The following PAM variants were observed in gnomAD, a reference collection of about 807,000 sequenced individuals.
The protein encoded by PAM is peptidyl-glycine alpha-amidating monooxygenase.
PAM carries 72 observed loss-of-function variants against 122.1 expected under a neutral mutation model. The ratio of observed to expected loss-of-function variants is 0.59; its 90% CI spans 0.49 to 0.72. PAM has a LOEUF of 0.72. Among genes scored for constraint, PAM ranks in the 30% least tolerant of loss-of-function variants. The pLI is 0.00. For synonymous variants in PAM, 389 were observed against 404.4 expected (o/e 0.96, Z 0.46); for missense variants, 1,106 against 1,183.7 (o/e 0.93, Z 0.96).
intron 1 of PAM, among the ~76,000 whole-genome samples, chr5:102,832,349 T>C (rs1354505301): frequency 1.3e-5 from 2 of 152,130 alleles, no homozygotes; most frequent in Non-Finnish European, 2.9e-5. Context: ...TCCCAGTTAA[T>C]ATCCCCATTT....
chr5:102,999,944 G>A (rs1776886413), intron 16 of PAM, among the ~76,000 whole-genome samples: 1 of 152,218 alleles, frequency 6.6e-6, no homozygotes, highest in Admixed American at 6.5e-5. Flanking sequence ...GTTTTGACAA[G>A]TAACTTTTGG....
chr5:102,989,854 G>A (rs1456779794), intron 15 of PAM: 1 of 147,954 alleles, frequency 6.8e-6, no homozygotes, highest in Non-Finnish European at 1.5e-5. Context: ...AAAGGACAGA[G>A]GAACACAGAG....
chr5:102,943,932 C>T (rs577350467), intron 7 of PAM, among the ~76,000 whole-genome samples: 5 of 152,260 alleles, frequency 3.3e-5, no homozygotes, highest in African/African-American at 1.2e-4. Flanking sequence ...CAAGTCTCAT[C>T]CAGTATCTGG....
At chr5:103,017,530 T>G in intron 22 of PAM, 97 bp downstream of exon 22, 1 of 783,122 alleles carries the variant, frequency 1.3e-6, no homozygotes, top group Non-Finnish European at 2.2e-6. Context: ...ATCTTTTTAC[T>G]GATGAGAGTA....
intron 1 of PAM, among the ~76,000 whole-genome samples, chr5:102,822,231 T>A (rs1772204373): frequency 6.6e-6 from 1 of 152,228 alleles, no homozygotes; most frequent in Non-Finnish European, 1.5e-5. Context: ...CTTTACACAT[T>A]TTTATTTGAC....
chr5:103,019,657 T>C (rs1783003335), intron 22 of PAM, 133 bp from the exon 23 acceptor site: 1 of 666,358 alleles, frequency 1.5e-6, no homozygotes. Context: ...TATTGAACTC[T>C]TTCCTAATAT....
intron 1 of PAM, among the ~76,000 whole-genome samples, chr5:102,803,558 T>A (rs1024049332): frequency 2.6e-5 from 4 of 152,138 alleles, no homozygotes; most frequent in Non-Finnish European, 5.9e-5. Context: ...GATTGGGGCA[T>A]CAGGGACTCT....
At chr5:102,866,417 ACTT>A in intron 2 of PAM, 133 bp downstream of exon 2, 4 of 663,760 alleles carry the variant, frequency 6.0e-6, no homozygotes, top group Non-Finnish European at 1.1e-5. Flanking sequence ...TACCACAGTA[ACTT>A]CTTGTGAAGT....
chr5:102,809,352 CAA>C (rs11302898), intron 1 of PAM, among the ~76,000 whole-genome samples: 133 of 126,166 alleles, frequency 1.1e-3, no homozygotes, highest in Admixed American at 1.0e-3. Context: ...CTGTCTCTAC[CAA>C]AAAAAAAAAA....
chr5:102,934,764 A>T (rs1752722662), intron 7 of PAM, among the ~76,000 whole-genome samples: 2 of 152,212 alleles, frequency 1.3e-5, no homozygotes. Context: ...ATGTTTCTAT[A>T]ACAAATGTTT....
At chr5:102,813,216 G>A (rs1188967435) in intron 1 of PAM, among the ~76,000 whole-genome samples, 1 of 152,114 alleles carries the variant, frequency 6.6e-6, no homozygotes, top group Non-Finnish European at 1.5e-5. Context: ...ACCTTTGAGA[G>A]AAATCAGAGA....
At chr5:102,908,821 T>G (rs1175857632) in intron 4 of PAM, among the ~76,000 whole-genome samples, 1 of 151,642 alleles carries the variant, frequency 6.6e-6, no homozygotes, top group Non-Finnish European at 1.5e-5. Context: ...GCTTCATGGT[T>G]ATGGGGAAAG....
At chr5:102,967,592 G>A (rs1245126215) in intron 14 of PAM, among the ~76,000 whole-genome samples, 2 of 151,926 alleles carry the variant, frequency 1.3e-5, no homozygotes, top group East Asian at 3.9e-4. Context: ...TAAAACTATA[G>A]TTCTATCTTG....
chr5:102,969,835 G>A (rs1463637674), intron 14 of PAM, among the ~76,000 whole-genome samples: 1 of 152,150 alleles, frequency 6.6e-6, no homozygotes, highest in Non-Finnish European at 1.5e-5. Flanking sequence ...TGTGCCTGGA[G>A]GTGGTAGCTT....
chr5:102,818,439 A>G (rs1381771440), intron 1 of PAM, among the ~76,000 whole-genome samples: 1 of 152,138 alleles, frequency 6.6e-6, no homozygotes, highest in Non-Finnish European at 1.5e-5. Flanking sequence ...CATACCAGTT[A>G]TGTAACTGTC....
rs113117984 is a variant in PAM at position 102,925,296 on chromosome 5, A to C, written c.442+254A>C. On this transcript the variant is annotated intron_variant, in intron 6 of 25. Coordinates refer to ENST00000438793, the MANE Select transcript of PAM (RefSeq NM_001177306.2). Reference sequence around the variant, plus strand: ...ATTAGAAAATAACCAAGGATACCTCAAGCCACCTTTGACCTAAGGCACATT... The same window carrying C: ...ATTAGAAAATAACCAAGGATACCTCCAGCCACCTTTGACCTAAGGCACATT... Among the ~76,000 whole-genome samples the C allele has an allele frequency of 5.1e-3, 774 of 152,346 alleles. 7 individuals carry two copies. The highest frequency in any genetic ancestry group is 0.018 in the African/African-American group (741 of 41,568).
chr5:102,974,394 C>T lies in PAM; in HGVS notation c.1441C>T (p.Pro481Ser), dbSNP rs1766920578. 4.3e-6 allele frequency: 7 copies of T among 1,613,574 alleles called. No individual in the cohort carries two copies. The highest frequency in any genetic ancestry group is 5.9e-6 in the Non-Finnish European group (7 of 1,179,746). Residue 481 changes from proline to serine, a missense_variant, in exon 15 of 26, where the codon CCC (proline) becomes TCC (serine). Pro to Ser is a moderately conservative substitution (Grantham distance 74, BLOSUM62 -1). This residue lies in a region of PAM where 670 missense variants were observed against 690.3 expected (regional missense o/e 0.97). Coordinates refer to ENST00000438793, the MANE Select transcript of PAM (RefSeq NM_001177306.2). The stretch of plus-strand genomic sequence containing the variant: ...GAGCAGAGTTTTCTCATTACAGCAG[C>T]CCCCACCTGGTGAAGGCACCTGGGA... ...PESRVFSLQQ[P>S]PPGEGTWEPE... is the part of the protein sequence containing the mutation.
intron 15 of PAM, among the ~76,000 whole-genome samples, chr5:102,978,815 G>A (rs1020002643): frequency 2.7e-5 from 4 of 150,474 alleles, no homozygotes; most frequent in Non-Finnish European, 5.9e-5. Context: ...TTTGATCTCT[G>A]AGGGGAGGAG....
rs564912585 is a variant in PAM at position 102,870,696 on chromosome 5, A to G, written c.210+3303A>G. On this transcript the variant is annotated intron_variant, in intron 3 of 25. Coordinates refer to ENST00000438793, the MANE Select transcript of PAM (RefSeq NM_001177306.2). ...TAATCAGTGTTTAATCTCTGTTAATAGGTGTTTTTCCAGCCTTTGGGAAGA... is the reference window on the plus strand; with the variant it reads ...TAATCAGTGTTTAATCTCTGTTAATGGGTGTTTTTCCAGCCTTTGGGAAGA... 2.0e-5 allele frequency among the ~76,000 whole-genome samples: 3 copies of G among 152,328 alleles called. No individual in the cohort carries two copies. In the East Asian group the frequency reaches 5.8e-4, roughly 29 times the overall value.
Sources: gnomAD v4.1 joint callset for allele counts (sites outside exome capture counted in the v4.1 genomes callset) on GRCh38, gnomAD v4.1.1 for gene constraint, gnomAD v4.1.1 regional missense constraint, MANE v1.5 for transcripts, NCBI Gene and HGNC (gene_info 2026-07-23, HGNC 2026-07-21) for gene names.